The following PDE1C variants were observed in gnomAD, a reference collection of about 807,000 sequenced individuals.
The protein encoded by PDE1C is dual specificity calcium/calmodulin-dependent 3',5'-cyclic nucleotide phosphodiesterase 1C.
In PDE1C, 62 loss-of-function variants were observed where a neutral mutation model predicts 93.1. That is an observed-to-expected ratio of 0.67 (90% CI 0.54 to 0.82). PDE1C has a LOEUF of 0.82. Among genes scored for constraint, PDE1C ranks in the 40% least tolerant of loss-of-function variants. PDE1C has a pLI of 0.00. For synonymous variants in PDE1C, 325 were observed against 310.1 expected, an observed-to-expected ratio of 1.05 and a Z score of -0.50; for missense variants, 742 against 884.6, an observed-to-expected ratio of 0.84 and a Z score of 2.04.
chr7:31,769,795 A>G (rs1303004084), intron 17 of PDE1C, among the ~76,000 whole-genome samples: 1 of 152,166 alleles, frequency 6.6e-6, no homozygotes, highest in Non-Finnish European at 1.5e-5. Flanking sequence ...GACAACCACT[A>G]ATGTACTTTC....
At chr7:32,135,366 T>C (rs572648632) in intron 3 of PDE1C, among the ~76,000 whole-genome samples, 2 of 152,066 alleles carry the variant, frequency 1.3e-5, no homozygotes, top group Non-Finnish European at 2.9e-5. Context: ...TTGCGAACCA[T>C]ATATCTGATA....
chr7:31,904,313 G>C (rs1267193711), intron 2 of PDE1C, among the ~76,000 whole-genome samples: 3 of 151,930 alleles, frequency 2.0e-5, no homozygotes, highest in Non-Finnish European at 1.5e-5. Flanking sequence ...TCCAGATCTA[G>C]AGACACTGCT....
intron 1 of PDE1C, among the ~76,000 whole-genome samples, chr7:32,226,521 G>A (rs532112195): frequency 3.9e-5 from 6 of 152,218 alleles, no homozygotes; most frequent in African/African-American, 7.2e-5. Flanking sequence ...CAACCAGTAA[G>A]AAGATGAAGC....
intron 2 of PDE1C, among the ~76,000 whole-genome samples, chr7:32,206,048 G>A (rs1282475230): frequency 6.6e-6 from 1 of 152,150 alleles, no homozygotes; most frequent in Non-Finnish European, 1.5e-5. Flanking sequence ...TAGGATCAAG[G>A]TGTGGAAAAT....
intron 2 of PDE1C, among the ~76,000 whole-genome samples, chr7:31,998,692 GAACAT>G (rs1304646981): frequency 6.6e-6 from 1 of 152,146 alleles, no homozygotes. Context: ...ATCATGATTT[GAACAT>G]AACTAACAAT....
At chr7:31,808,620 GA>G (rs1016124868) in intron 16 of PDE1C, among the ~76,000 whole-genome samples, 21 of 150,972 alleles carry the variant, frequency 1.4e-4, no homozygotes, top group Non-Finnish European at 1.9e-4. Flanking sequence ...CTAGTTCAAG[GA>G]AAAAAAACAT....
chr7:32,401,366 G>A (rs898397293), intron 1 of PDE1C, among the ~76,000 whole-genome samples: 20 of 151,976 alleles, frequency 1.3e-4, no homozygotes, highest in African/African-American at 4.1e-4. Flanking sequence ...GTGAAACCCC[G>A]TCTCTACTAA....
At chr7:31,841,636 G>T (rs1282234497) in intron 9 of PDE1C, among the ~76,000 whole-genome samples, 1 of 152,042 alleles carries the variant, frequency 6.6e-6, no homozygotes, top group Non-Finnish European at 1.5e-5. Context: ...ATGATTTTCT[G>T]TTTGTTTTTA....
chr7:32,072,605 A>G (rs890050229), upstream of PDE1C, among the ~76,000 whole-genome samples: 14 of 152,152 alleles, frequency 9.2e-5, no homozygotes, highest in African/African-American at 3.4e-4. Context: ...ACCATGTGGA[A>G]GTACAATAAT....
At chr7:32,026,067 CACACACAT>C (rs144320033) in intron 2 of PDE1C, among the ~76,000 whole-genome samples, 4,745 of 151,992 alleles carry the variant, frequency 0.031, 252 homozygotes, top group African/African-American at 0.11. Flanking sequence ...CGTGTGCATG[CACACACAT>C]ACACACATAC....
intron 3 of PDE1C, among the ~76,000 whole-genome samples, chr7:32,152,603 C>G (rs1801326658): frequency 6.6e-6 from 1 of 152,152 alleles, no homozygotes; most frequent in African/African-American, 2.4e-5. Flanking sequence ...AGTGGAGATG[C>G]CCTTCGACCC....
intron 2 of PDE1C, among the ~76,000 whole-genome samples, chr7:31,914,082 A>G (rs6951038): frequency 0.13 from 20,358 of 152,216 alleles, 1,599 homozygotes; most frequent in South Asian, 0.18. Flanking sequence ...CATAAACATA[A>G]TTCACATTGG....
At chr7:32,099,251 G>A (rs1797924062) in intron 3 of PDE1C, among the ~76,000 whole-genome samples, 1 of 152,122 alleles carries the variant, frequency 6.6e-6, no homozygotes, top group Admixed American at 6.5e-5. Flanking sequence ...AAAAAAGAAA[G>A]TTATACACAG....
chr7:31,833,420 G>T (rs890381776), intron 11 of PDE1C, among the ~76,000 whole-genome samples: 1 of 152,198 alleles, frequency 6.6e-6, no homozygotes, highest in African/African-American at 2.4e-5. Flanking sequence ...TGGGTAACAG[G>T]CAGAGGTTGG....
intron 3 of PDE1C, among the ~76,000 whole-genome samples, chr7:32,097,443 A>T (rs1373000584): frequency 6.6e-6 from 1 of 152,212 alleles, no homozygotes; most frequent in Non-Finnish European, 1.5e-5. Context: ...AGATGCCTAA[A>T]TAACTGGAGG....
chr7:32,184,156 T>G (rs1451363603), intron 2 of PDE1C, among the ~76,000 whole-genome samples: 4 of 152,192 alleles, frequency 2.6e-5, no homozygotes, highest in Non-Finnish European at 5.9e-5. Context: ...CAACTGGTGC[T>G]GGAGAGGATG....
intron 1 of PDE1C, among the ~76,000 whole-genome samples, chr7:32,265,372 G>A (rs935659478): frequency 6.6e-6 from 1 of 152,168 alleles, no homozygotes; most frequent in Non-Finnish European, 1.5e-5. Context: ...GTTCAAGGAT[G>A]GGCACATGAT....
rs571477814 is a variant in PDE1C at position 31,779,215 on chromosome 7, G to A, written c.1892-3483C>T. ...AGAAATTTCCTTTTGTCGAACTAAC[G>A]AAAAGTGTGGCATTCTGCTTTCTGT... On this transcript the variant is annotated intron_variant, in intron 16 of 17. Transcript: ENST00000396191. Among the ~76,000 whole-genome samples the A allele has an allele frequency of 3.9e-5, 6 of 152,242 alleles. No individual in the cohort carries two copies. In the East Asian group the frequency reaches 5.8e-4, roughly 15 times the overall value.
At chr7:31,643,560 C>A in the PDE1C span, 11 of 1,613,892 alleles carry the variant, frequency 6.8e-6, no homozygotes, top group Non-Finnish European at 9.3e-6. Flanking sequence ...GGACTGGTCC[C>A]AGAGGAACAT....
Sources: allele counts gnomAD v4.1 joint callset (sites outside exome capture counted in the v4.1 genomes callset), GRCh38; gene constraint gnomAD v4.1.1; transcripts MANE v1.5; gene names NCBI Gene and HGNC (gene_info 2026-07-23, HGNC 2026-07-21).